The following CACNA1E variants were observed in gnomAD, a reference collection of about 807,000 sequenced individuals.
The protein encoded by CACNA1E is calcium voltage-gated channel subunit alpha1 E.
In CACNA1E, 40 loss-of-function variants were observed where a neutral mutation model predicts 259.2. The ratio of observed to expected loss-of-function variants is 0.15; its 90% CI spans 0.12 to 0.20. CACNA1E has a LOEUF of 0.20. CACNA1E is among the 10% of genes least tolerant of loss of function. The probability of loss-of-function intolerance (pLI) is 1.00; values close to 1 mark genes in which losing one functional copy is unlikely to be tolerated. For missense variants in CACNA1E, 1,874 were observed against 3,040.1 expected (o/e 0.62, Z 9.02); for synonymous variants, 1,104 against 1,138.5 (o/e 0.97, Z 0.61).
At chr1:181,688,762 T>G (rs1007603411) in intron 7 of CACNA1E, among the ~76,000 whole-genome samples, 1 of 152,314 alleles carries the variant, frequency 6.6e-6, no homozygotes, top group Non-Finnish European at 1.5e-5. Flanking sequence ...CCTGTTTAAC[T>G]GCAATTTTTA....
chr1:181,637,361 A>G (rs1484856522), intron 6 of CACNA1E, among the ~76,000 whole-genome samples: 1 of 151,384 alleles, frequency 6.6e-6, no homozygotes, highest in Non-Finnish European at 1.5e-5. Flanking sequence ...AAAACACAAA[A>G]CCCTAGGCAC....
intron 1 of CACNA1E, among the ~76,000 whole-genome samples, chr1:181,340,492 T>G (rs996014733): frequency 2.6e-5 from 4 of 152,118 alleles, no homozygotes; most frequent in African/African-American, 7.2e-5. Context: ...TATTGGTAAT[T>G]TTTTTGAGAA....
intron 1 of CACNA1E, among the ~76,000 whole-genome samples, chr1:181,370,496 G>T (rs896408209): frequency 6.6e-6 from 1 of 152,070 alleles, no homozygotes; most frequent in African/African-American, 2.4e-5. Context: ...TGTACTCAAT[G>T]TTTGGCTCCC....
At chr1:181,603,487 G>A (rs902644377) in intron 6 of CACNA1E, among the ~76,000 whole-genome samples, 3 of 152,070 alleles carry the variant, frequency 2.0e-5, no homozygotes, top group African/African-American at 4.8e-5. Context: ...GTGTGGAAAC[G>A]GACTTTTCAT....
intron 3 of CACNA1E, among the ~76,000 whole-genome samples, chr1:181,521,391 C>G (rs1195425695): frequency 6.6e-6 from 1 of 152,152 alleles, no homozygotes; most frequent in East Asian, 1.9e-4. Flanking sequence ...GGTATCTTTG[C>G]TGTTGAATCT....
chr1:181,549,983 T>C (rs1365461970), intron 3 of CACNA1E, among the ~76,000 whole-genome samples: 1 of 152,120 alleles, frequency 6.6e-6, no homozygotes, highest in East Asian at 1.9e-4. Context: ...CCTGGCTACA[T>C]AGACCTCCCA....
intron 1 of CACNA1E, among the ~76,000 whole-genome samples, chr1:181,355,967 T>C (rs942320508): frequency 1.3e-5 from 2 of 151,830 alleles, no homozygotes; most frequent in African/African-American, 4.8e-5. Context: ...ATATTAAAGT[T>C]GTTTTAAGTG....
At chr1:181,386,902 TTGAG>T (rs1655892303) in intron 1 of CACNA1E, among the ~76,000 whole-genome samples, 1 of 152,204 alleles carries the variant, frequency 6.6e-6, no homozygotes, top group South Asian at 2.1e-4. Flanking sequence ...TGCACACGCT[TTGAG>T]TGGGGACCGC....
chr1:181,521,336 T>C (rs1430213715), intron 3 of CACNA1E, among the ~76,000 whole-genome samples: 1 of 152,176 alleles, frequency 6.6e-6, no homozygotes, highest in Non-Finnish European at 1.5e-5. Context: ...TGACTAGCCA[T>C]GGGAGAGCTC....
chr1:181,605,250 C>T (rs1252770891), intron 6 of CACNA1E, among the ~76,000 whole-genome samples: 1 of 150,624 alleles, frequency 6.6e-6, no homozygotes, highest in Non-Finnish European at 1.5e-5. Context: ...TGGACAAAAG[C>T]CTGCCTAAAG....
intron 3 of CACNA1E, among the ~76,000 whole-genome samples, chr1:181,565,727 C>CATGG (rs1649754611): frequency 6.6e-6 from 1 of 152,188 alleles, no homozygotes; most frequent in Non-Finnish European, 1.5e-5. Flanking sequence ...TATAGCTAAT[C>CATGG]ATGGGGCTTG....
At chr1:181,579,000 T>C in intron 4 of CACNA1E, 72 bp from the exon 5 acceptor site, 1 of 1,269,150 alleles carries the variant, frequency 7.9e-7, no homozygotes, top group Non-Finnish European at 1.1e-6. Flanking sequence ...AATGAGGGAA[T>C]GAAACTAATC....
chr1:181,619,271 T>A (rs1466648932), intron 6 of CACNA1E, among the ~76,000 whole-genome samples: 1 of 149,120 alleles, frequency 6.7e-6, no homozygotes, highest in Admixed American at 6.7e-5. Flanking sequence ...GACTTTTGAA[T>A]AAAGACCTGA....
intron 1 of CACNA1E, among the ~76,000 whole-genome samples, chr1:181,359,663 G>C (rs1375446768): frequency 6.6e-6 from 1 of 152,142 alleles, no homozygotes; most frequent in Non-Finnish European, 1.5e-5. Flanking sequence ...TGGGTGATAG[G>C]GGGTTTTAAA....
intron 1 of CACNA1E, among the ~76,000 whole-genome samples, chr1:181,370,802 A>G (rs1313439126): frequency 6.6e-6 from 1 of 152,148 alleles, no homozygotes; most frequent in Admixed American, 6.5e-5. Flanking sequence ...CAGTAGTGGG[A>G]TTGCTGTGTC....
intron 1 of CACNA1E, among the ~76,000 whole-genome samples, chr1:181,372,337 A>G (rs1294030102): frequency 6.6e-6 from 1 of 151,856 alleles, no homozygotes; most frequent in Non-Finnish European, 1.5e-5. Flanking sequence ...GTATTACTAG[A>G]TATTTTGTTC....
intron 6 of CACNA1E, among the ~76,000 whole-genome samples, chr1:181,638,135 C>T (rs549549749): frequency 1.4e-4 from 21 of 152,256 alleles, no homozygotes; most frequent in Non-Finnish European, 2.9e-4. Flanking sequence ...ATGAAACCAG[C>T]TGTGCCTGGG....
chr1:181,428,417 G>A (rs910191713), intron 2 of CACNA1E, among the ~76,000 whole-genome samples: 15 of 152,170 alleles, frequency 9.9e-5, no homozygotes, highest in African/African-American at 3.6e-4. Context: ...GCTCAGCTAG[G>A]GGCATCCGGC....
At chr1:181,324,986 A>C (rs1000365031) in intron 1 of CACNA1E, among the ~76,000 whole-genome samples, 1 of 152,190 alleles carries the variant, frequency 6.6e-6, no homozygotes, top group African/African-American at 2.4e-5. Flanking sequence ...TGCAGACTTC[A>C]TAGCCTTTGC....
Sources: allele counts gnomAD v4.1 joint callset (sites outside exome capture counted in the v4.1 genomes callset), GRCh38; gene constraint gnomAD v4.1.1; transcripts MANE v1.5; gene names NCBI Gene and HGNC (gene_info 2026-07-23, HGNC 2026-07-21).